The following XRCC5 variants were observed in gnomAD, a reference collection of about 807,000 sequenced individuals.
The protein encoded by XRCC5 is X-ray repair cross complementing 5, also known as DNA repair protein Ku80.
XRCC5 carries 12 observed loss-of-function variants against 95.7 expected under a neutral mutation model. The observed-to-expected ratio is 0.13, with a 90% confidence interval of 0.08 to 0.20. The LOEUF is 0.20. XRCC5 is among the 10% of genes least tolerant of loss of function. The pLI is 1.00. For missense variants in XRCC5, 595 were observed against 873.9 expected (o/e 0.68, Z 4.02); for synonymous variants, 281 against 290.3 (o/e 0.97, Z 0.33).
At chr2:216,182,223 G>A (rs1444219819) in intron 16 of XRCC5, among the ~76,000 whole-genome samples, 1 of 152,092 alleles carries the variant, frequency 6.6e-6, no homozygotes, top group Non-Finnish European at 1.5e-5. Context: ...TGATACCTGC[G>A]TTTCAGTTCC....
At chr2:216,162,658 C>T (rs1688974860) in intron 16 of XRCC5, among the ~76,000 whole-genome samples, 1 of 152,122 alleles carries the variant, frequency 6.6e-6, no homozygotes, top group South Asian at 2.1e-4. Context: ...TCCCAAAGTG[C>T]TGGGATAACA....
At chr2:216,141,542 T>TTTTC (rs1697170206) in intron 13 of XRCC5, among the ~76,000 whole-genome samples, 1 of 61,918 alleles carries the variant, frequency 1.6e-5, no homozygotes, top group African/African-American at 6.2e-5. Flanking sequence ...TTTCTTTTCT[T>TTTTC]TTTTTTTTTT....
chr2:216,137,494 TTTTA>T (rs1025444887), intron 11 of XRCC5, among the ~76,000 whole-genome samples: 2 of 152,160 alleles, frequency 1.3e-5, no homozygotes, highest in African/African-American at 4.8e-5. Context: ...ATAAGAATCT[TTTTA>T]TTAAGTATTA....
At chr2:216,112,642 A>T (rs1696609051) in intron 1 of XRCC5, among the ~76,000 whole-genome samples, 1 of 152,238 alleles carries the variant, frequency 6.6e-6, no homozygotes, top group South Asian at 2.1e-4. Flanking sequence ...TCATGTTTGT[A>T]GGTCTGCAGG....
At chr2:216,162,558 T>C (rs2106028121) in intron 16 of XRCC5, among the ~76,000 whole-genome samples, 2 of 152,162 alleles carry the variant, frequency 1.3e-5, no homozygotes, top group South Asian at 4.2e-4. Flanking sequence ...TGCACCACCA[T>C]GCCCAGCTAA....
At chr2:216,161,363 A>C (rs578062957) in intron 15 of XRCC5, among the ~76,000 whole-genome samples, 13 of 152,306 alleles carry the variant, frequency 8.5e-5, no homozygotes, top group African/African-American at 3.1e-4. Flanking sequence ...AGGTATAATC[A>C]GAAAGTTCCA....
rs542793138 is a variant in XRCC5, at chr2:216,175,388, C to T, written c.1834+13340C>T. 1.3e-3 allele frequency: 640 copies of T among 507,248 alleles called. 1 individual carries two copies. The highest frequency in any genetic ancestry group is 2.1e-3 in the Non-Finnish European group (549 of 255,686). The allele number at this position is 507,248 out of a possible 1,614,324, so 31.4% of individuals were successfully genotyped here. A position where few individuals can be genotyped will look rare whatever the true frequency, so the allele number is the denominator to read the frequency against. ...TCCACAACCCATAAAGTTGTCAGATCCACCTCCATCACCTCTGTGATCCTG... is the reference window on the plus strand; with the variant it reads ...TCCACAACCCATAAAGTTGTCAGATTCACCTCCATCACCTCTGTGATCCTG... On this transcript the variant is annotated intron_variant, in intron 16 of 20. Coordinates refer to ENST00000392132, the MANE Select transcript of XRCC5 (RefSeq NM_021141.4).
intron 5 of XRCC5, among the ~76,000 whole-genome samples, chr2:216,119,919 G>A (rs1415454784): frequency 1.3e-5 from 2 of 152,126 alleles, no homozygotes; most frequent in East Asian, 1.9e-4. Flanking sequence ...GTTGAGTGAT[G>A]GTATAGAATG....
At chr2:216,150,928 G>A (rs1490603893) in intron 14 of XRCC5, among the ~76,000 whole-genome samples, 1 of 152,018 alleles carries the variant, frequency 6.6e-6, no homozygotes, top group African/African-American at 2.4e-5. Flanking sequence ...AATGCTTTGC[G>A]CTATGATGTC....
At chr2:216,197,490 A>G (rs1471804571) in intron 19 of XRCC5, among the ~76,000 whole-genome samples, 9 of 149,766 alleles carry the variant, frequency 6.0e-5, no homozygotes, top group Admixed American at 6.0e-4. Context: ...AAACTTCACC[A>G]TCTTTGAATA....
At position 216,141,243 on chromosome 2, in the gene XRCC5, A is replaced by T. The variant is rs781424386; in HGVS notation, c.1400A>T (p.Asp467Val). 1 of 1,614,204 alleles carries T rather than the reference A, an allele frequency of 6.2e-7. No homozygotes were observed. Among genetic ancestry groups the T allele is most frequent in the Non-Finnish European group, 8.5e-7 (1 of 1,180,010 alleles). Residue 467 changes from aspartate (D) to valine (V), a missense_variant, in exon 13 of 21, where the codon GAT becomes GTT. Asp to Val is a radical substitution (Grantham distance 152, BLOSUM62 -3). This residue lies in a region of XRCC5 where 309 missense variants were observed against 382.9 expected (regional missense o/e 0.81). Transcript: ENST00000392132. ...GACTCCATGAGCTTGGCAAAGAAAG[A>T]TGAGAAGACAGACACCCTTGAAGAC... ...LIDSMSLAKK[D>V]EKTDTLEDLF...
At chr2:216,120,893 G>A (rs1381514647) in intron 5 of XRCC5, among the ~76,000 whole-genome samples, 1 of 151,986 alleles carries the variant, frequency 6.6e-6, no homozygotes, top group Non-Finnish European at 1.5e-5. Flanking sequence ...GTGCCACCAC[G>A]CCCGGCTAAT....
chr2:216,161,912 G>A, intron 15 of XRCC5, 67 bp from the exon 16 acceptor site: 2 of 1,339,718 alleles, frequency 1.5e-6, no homozygotes, highest in South Asian at 2.4e-5. Flanking sequence ...AAGCCATCTT[G>A]TATTGCCTGG....
At chr2:216,172,701 T>A (rs1459252232) in intron 16 of XRCC5, among the ~76,000 whole-genome samples, 1 of 152,146 alleles carries the variant, frequency 6.6e-6, no homozygotes, top group Non-Finnish European at 1.5e-5. Flanking sequence ...ACTCCTGACC[T>A]GAGGTGATCA....
chr2:216,131,634 AC>A (rs1013098418), intron 9 of XRCC5, among the ~76,000 whole-genome samples: 3 of 151,622 alleles, frequency 2.0e-5, no homozygotes, highest in Non-Finnish European at 4.4e-5. Context: ...CTTTCTTTCA[AC>A]CCTTCCCCTC....
chr2:216,132,767 T>G (rs1317011273), intron 10 of XRCC5, among the ~76,000 whole-genome samples: 2 of 152,188 alleles, frequency 1.3e-5, no homozygotes. Flanking sequence ...CTTTTCTCTA[T>G]TCCTCTCTCT....
At position 216,127,571 on chromosome 2, in the gene XRCC5, T is replaced by C; in HGVS notation, c.834T>C (p.Val278=). 6.2e-7 allele frequency: 1 copy of C among 1,611,842 alleles called. No individual in the cohort carries two copies. Among genetic ancestry groups the C allele is most frequent in the Middle Eastern group, 1.7e-4 (1 of 6,046 alleles). Residue 278 remains valine (V), a synonymous_variant, in exon 8 of 21, where the codon GTT becomes GTC. Coordinates refer to ENST00000392132, the MANE Select transcript of XRCC5 (RefSeq NM_021141.4). ...AGAGAGTTAAAAAGACTTGGACAGT[T>C]GTGGATGCAAAAACCCTAAAAAAAG... ...LQERVKKTWT[V]VDAKTLKKED...
chr2:216,143,285 A>G (rs1451291661), intron 13 of XRCC5, among the ~76,000 whole-genome samples: 1 of 152,260 alleles, frequency 6.6e-6, no homozygotes, highest in African/African-American at 2.4e-5. Flanking sequence ...TAAATTACAG[A>G]TATAAAAATC....
intron 16 of XRCC5, among the ~76,000 whole-genome samples, chr2:216,183,681 C>T (rs1240834667): frequency 1.3e-5 from 2 of 152,018 alleles, no homozygotes; most frequent in Non-Finnish European, 2.9e-5. Context: ...CAGGGAACTT[C>T]TTTTTTGTTA....
Sources: gnomAD v4.1 joint callset for allele counts (sites outside exome capture counted in the v4.1 genomes callset) on GRCh38, gnomAD v4.1.1 for gene constraint, gnomAD v4.1.1 regional missense constraint, MANE v1.5 for transcripts, NCBI Gene and HGNC (gene_info 2026-07-23, HGNC 2026-07-21) for gene names.